SWT1: variants seen among roughly 807,000 people sequenced by gnomAD.
The protein encoded by SWT1 is transcriptional protein SWT1.
A neutral mutation model predicts 107.3 loss-of-function variants in SWT1; 33 were observed. That is an observed-to-expected ratio of 0.31 (90% CI 0.23 to 0.41). The LOEUF is 0.41. Among genes scored for constraint, SWT1 ranks in the 10% least tolerant of loss-of-function variants. The pLI, the probability that SWT1 is intolerant of heterozygous loss-of-function variation, is 1.00. For synonymous variants in SWT1, 345 were observed against 348.3 expected (o/e 0.99, Z 0.11); for missense variants, 898 against 1,028.9 (o/e 0.87, Z 1.74).
At chr1:185,244,480 G>A (rs1661463044) in intron 16 of SWT1, among the ~76,000 whole-genome samples, 1 of 152,010 alleles carries the variant, frequency 6.6e-6, no homozygotes, top group Non-Finnish European at 1.5e-5. Context: ...TAAAAATACG[G>A]TATAAAAGAT....
intron 10 of SWT1, among the ~76,000 whole-genome samples, chr1:185,195,146 C>T (rs1469106607): frequency 6.6e-6 from 1 of 152,156 alleles, no homozygotes; most frequent in Non-Finnish European, 1.5e-5. Context: ...TATCCTTCCC[C>T]TATCCCTCAA....
chr1:185,259,406 A>G (rs1396647921), intron 16 of SWT1, among the ~76,000 whole-genome samples: 2 of 152,126 alleles, frequency 1.3e-5, no homozygotes, highest in African/African-American at 2.4e-5. Flanking sequence ...CCATAATTGC[A>G]TAGTCATAGG....
At chr1:185,190,090 TG>T (rs1348637963) in intron 9 of SWT1, among the ~76,000 whole-genome samples, 2 of 152,164 alleles carry the variant, frequency 1.3e-5, no homozygotes, top group Admixed American at 1.3e-4. Flanking sequence ...TCAAGTGATC[TG>T]CACACCTCGG....
intron 5 of SWT1, chr1:185,177,023 G>C: frequency 1.1e-6 from 1 of 888,864 alleles, no homozygotes; most frequent in Non-Finnish European, 1.3e-6. Flanking sequence ...GCAATGGTAA[G>C]ATATTTCTTA....
chr1:185,166,511 C>T (rs531218975), intron 2 of SWT1, 61 bp from the exon 3 acceptor site: 2 of 1,053,268 alleles, frequency 1.9e-6, no homozygotes, highest in African/African-American at 3.2e-5. Context: ...TGAAATAGTT[C>T]TGTTTATACT....
chr1:185,281,735 G>C (rs1664635454), intron 18 of SWT1: 1 of 158,092 alleles, frequency 6.3e-6, no homozygotes, highest in African/African-American at 2.4e-5. Context: ...GAAAAGAAGA[G>C]AACAAAAAGG....
chr1:185,184,888 A>C lies in SWT1; in HGVS notation c.1386A>C (p.Arg462Ser). 6.5e-7 allele frequency: 1 copy of C among 1,543,480 alleles called. No individual in the cohort carries two copies. Among genetic ancestry groups the C allele is most frequent in the Non-Finnish European group, 8.7e-7 (1 of 1,149,834 alleles). Residue 462 changes from arginine (R) to serine (S), a missense_variant, in exon 9 of 19, where the codon AGA (arginine) becomes AGC (serine). Arg to Ser is a moderately radical substitution (Grantham distance 110). Around this residue, in one of 6 missense-constraint regions of SWT1, gnomAD observed 34 missense variants for 50.2 expected, o/e 0.68. Transcript: ENST00000367500. ...FINDSLKNQD[R>S]KLWGQSIQLA... ...ACGACAGTCTCAAAAATCAAGATAG[A>C]AAGCTATGGGGTCAGTCAATACAAC...
chr1:185,202,485 T>C (rs1384216034), intron 10 of SWT1, among the ~76,000 whole-genome samples, 169 bp from the exon 11 acceptor site: 1 of 152,116 alleles, frequency 6.6e-6, no homozygotes, highest in Non-Finnish European at 1.5e-5. Flanking sequence ...CACTTTAGAA[T>C]GGTGCCTAGT....
chr1:185,244,277 G>C (rs1052591027), intron 16 of SWT1, among the ~76,000 whole-genome samples: 1 of 151,990 alleles, frequency 6.6e-6, no homozygotes. Context: ...ATGTTCTTGT[G>C]TGAGCATTAT....
chr1:185,171,084 A>C (rs1041100204), intron 4 of SWT1, among the ~76,000 whole-genome samples: 3 of 152,062 alleles, frequency 2.0e-5, no homozygotes, highest in Non-Finnish European at 2.9e-5. Context: ...CTACCTGCCC[A>C]ATGGTTGTCA....
At position 185,178,151 on chromosome 1, in the gene SWT1, C is replaced by T. The variant is rs776195056; in HGVS notation, c.967-2240C>T. On this transcript the variant is annotated intron_variant, in intron 5 of 18. Coordinates refer to ENST00000367500, the MANE Select transcript of SWT1 (RefSeq NM_017673.7). ...AAGTGGTGGTTCTAAAACCTCATCTCGAAGGACATGTGGGGTGAGGACTAG... is the reference window on the plus strand; with the variant it reads ...AAGTGGTGGTTCTAAAACCTCATCTTGAAGGACATGTGGGGTGAGGACTAG... 3.9e-5 allele frequency among the ~76,000 whole-genome samples: 6 copies of T among 152,094 alleles called. No homozygotes were observed. In the South Asian group the frequency reaches 8.3e-4, roughly 21 times the overall value.
At chr1:185,250,934 ATTACAGGT>A (rs1661967860) in intron 16 of SWT1, among the ~76,000 whole-genome samples, 1 of 152,174 alleles carries the variant, frequency 6.6e-6, no homozygotes, top group African/African-American at 2.4e-5. Flanking sequence ...AAGTGCTGGG[ATTACAGGT>A]ATGAGCCACT....
At chr1:185,184,069 C>T (rs974828998) in intron 7 of SWT1, among the ~76,000 whole-genome samples, 174 bp from the exon 8 acceptor site, 6 of 152,130 alleles carry the variant, frequency 3.9e-5, no homozygotes, top group Admixed American at 1.3e-4. Flanking sequence ...GGATACGGGC[C>T]GGATAGATAT....
intron 16 of SWT1, among the ~76,000 whole-genome samples, chr1:185,267,859 G>GAA (rs1663515795): frequency 6.6e-6 from 1 of 152,066 alleles, no homozygotes; most frequent in South Asian, 2.1e-4. Flanking sequence ...TACTGTACAA[G>GAA]AAAAAAAGAA....
At position 185,222,001 on chromosome 1, in the gene SWT1, C is replaced by T. The variant is rs773191098; in HGVS notation, c.2274C>T (p.Ile758=). 5.0e-6 allele frequency: 8 copies of T among 1,594,934 alleles called. No individual in the cohort carries two copies. The highest frequency in any genetic ancestry group is 6.0e-6 in the Non-Finnish European group (7 of 1,173,782). The part of the protein sequence containing the change: ...QPSRHQEIWS[I]LESVWITIYQ... ...GCAGGCATCAAGAAATCTGGTCTAT[C>T]CTAGAGAGTGTTTGGATTACAATAT... Residue 758 remains isoleucine (I), a synonymous_variant, in exon 15 of 19, where the codon ATC becomes ATT. Coordinates refer to ENST00000367500, the MANE Select transcript of SWT1 (RefSeq NM_017673.7).
chr1:185,157,212 G>C lies in SWT1; in HGVS notation c.-112G>C, dbSNP rs1165978664. The C allele has an allele frequency of 6.3e-6, 1 of 157,772 alleles. No individual in the cohort carries two copies. The highest frequency in any genetic ancestry group is 2.4e-5 in the African/African-American group (1 of 41,524). The allele number at this position is 157,772 out of a possible 1,614,324, so 9.8% of individuals were successfully genotyped here. A position where few individuals can be genotyped will look rare whatever the true frequency, so the allele number is the denominator to read the frequency against. On this transcript the variant is annotated 5_prime_UTR_variant, in exon 1 of 19. Transcript: ENST00000367500. Reference sequence around the variant, plus strand: ...GGCGCAGAACTACGTTTCCCAGCAGGCATACAGTTGGTGGGGCGGGGTGTG... The same window carrying C: ...GGCGCAGAACTACGTTTCCCAGCAGCCATACAGTTGGTGGGGCGGGGTGTG...
At chr1:185,233,643 T>C (rs571090259) in intron 16 of SWT1, among the ~76,000 whole-genome samples, 2 of 152,340 alleles carry the variant, frequency 1.3e-5, no homozygotes, top group Non-Finnish European at 2.9e-5. Context: ...TGAGTTCTAA[T>C]TTGATTGCAC....
At chr1:185,160,989 T>G (rs1654097214) in intron 2 of SWT1, 64 bp downstream of exon 2, 1 of 1,106,652 alleles carries the variant, frequency 9.0e-7, no homozygotes, top group Admixed American at 2.0e-5. Flanking sequence ...ATGAAAAAAA[T>G]ACACCTTACT....
intron 10 of SWT1, among the ~76,000 whole-genome samples, chr1:185,196,995 T>C (rs1254913931): frequency 2.0e-5 from 3 of 152,204 alleles, no homozygotes; most frequent in African/African-American, 4.8e-5. Context: ...CTATGTTGAA[T>C]AGGAGTGGAG....
Sources: gnomAD v4.1 joint callset for allele counts (sites outside exome capture counted in the v4.1 genomes callset) on GRCh38, gnomAD v4.1.1 for gene constraint, gnomAD v4.1.1 regional missense constraint, MANE v1.5 for transcripts, NCBI Gene and HGNC (gene_info 2026-07-23, HGNC 2026-07-21) for gene names.